The following PPP2R2B variants were observed in gnomAD, a reference collection of about 807,000 sequenced individuals.
The protein encoded by PPP2R2B is serine/threonine-protein phosphatase 2A 55 kDa regulatory subunit B beta isoform.
In PPP2R2B, 5 loss-of-function variants were observed where a neutral mutation model predicts 46.0. That is an observed-to-expected ratio of 0.11 (90% CI 0.06 to 0.23). The LOEUF (loss-of-function observed/expected upper bound fraction) is 0.23. Ranked by LOEUF, PPP2R2B falls within the 10% of genes least tolerant of loss-of-function variation. The probability of loss-of-function intolerance (pLI) is 1.00; values close to 1 mark genes in which losing one functional copy is unlikely to be tolerated. For missense variants in PPP2R2B, 367 were observed against 575.0 expected, an observed-to-expected ratio of 0.64 and a Z score of 3.70; for synonymous variants, 215 against 206.7, an observed-to-expected ratio of 1.04 and a Z score of -0.34.
rs919741880 is a variant in PPP2R2B at position 146,867,317 on chromosome 5, A to G, written c.70+10685T>C. Among the ~76,000 whole-genome samples, 5 of 152,286 alleles carry G rather than the reference A, an allele frequency of 3.3e-5. No homozygotes were observed. The South Asian group carries it at 1.0e-3, about 32-fold the overall frequency. The stretch of plus-strand genomic sequence containing the variant: ...TTGGGGGACAGTTCATGCAAGAAAA[A>G]TATTACAACCCCTAATCAGCAGATC... On this transcript the variant is annotated intron_variant, in intron 2 of 9. Coordinates refer to ENST00000394411, the MANE Select transcript of PPP2R2B (RefSeq NM_181675.4).
At chr5:146,943,645 G>A (rs1199858977) in intron 1 of PPP2R2B, among the ~76,000 whole-genome samples, 4 of 151,856 alleles carry the variant, frequency 2.6e-5, no homozygotes, top group Non-Finnish European at 5.9e-5. Context: ...TGGACTTGAT[G>A]TTAAGACCCC....
chr5:146,911,689 T>C (rs1419660171), intron 1 of PPP2R2B, among the ~76,000 whole-genome samples: 4 of 152,226 alleles, frequency 2.6e-5, no homozygotes, highest in Non-Finnish European at 5.9e-5. Flanking sequence ...GTCTTCCTCA[T>C]AGTGAACCCA....
At position 146,742,652 on chromosome 5, in the gene PPP2R2B, T is replaced by A. The variant is rs535608952; in HGVS notation, c.71-41510A>T. ...AAGATATAATAATAAATGATAATAA[T>A]TATTATGGGTTGAATTGTGCCCTCC... is the stretch of plus-strand genomic sequence containing the variant. On this transcript the variant is annotated intron_variant, in intron 2 of 9. Transcript: ENST00000394411. Among the ~76,000 whole-genome samples the A allele has an allele frequency of 6.0e-4, 91 of 152,206 alleles. 1 individual carries two copies. Among genetic ancestry groups the A allele is most frequent in the African/African-American group, 2.2e-3 (91 of 41,510 alleles).
chr5:146,741,592 G>A lies in PPP2R2B; in HGVS notation c.71-40450C>T, dbSNP rs80080378. Among the ~76,000 whole-genome samples the A allele has an allele frequency of 8.9e-3, 1,348 of 152,148 alleles. 64 individuals carry two copies. Among genetic ancestry groups the A allele is most frequent in the Admixed American group, 0.062 (953 of 15,286 alleles). ...TAGCTAGGGGTATAATACGAAGGGCGACCGCCTCTCGGGACGTGGGGACAG... is the reference window on the plus strand; with the variant it reads ...TAGCTAGGGGTATAATACGAAGGGCAACCGCCTCTCGGGACGTGGGGACAG... On this transcript the variant is annotated intron_variant, in intron 2 of 9. Transcript: ENST00000394411.
intron 7 of PPP2R2B, among the ~76,000 whole-genome samples, chr5:146,622,746 A>G (rs1331028753): frequency 6.6e-6 from 1 of 152,188 alleles, no homozygotes; most frequent in Non-Finnish European, 1.5e-5. Context: ...CTGAACTTCT[A>G]TAGAGCAAGG....
At chr5:146,960,575 C>T (rs1216556365) in intron 1 of PPP2R2B, among the ~76,000 whole-genome samples, 7 of 152,060 alleles carry the variant, frequency 4.6e-5, no homozygotes, top group South Asian at 2.1e-4. Flanking sequence ...AAATAAAAGT[C>T]GCTCAGAGTT....
intron 1 of PPP2R2B, among the ~76,000 whole-genome samples, chr5:146,893,295 T>C (rs1762545472): frequency 6.6e-6 from 1 of 152,226 alleles, no homozygotes; most frequent in African/African-American, 2.4e-5. Flanking sequence ...GTTATGTAGC[T>C]TTTATTTTGA....
intron 7 of PPP2R2B, among the ~76,000 whole-genome samples, chr5:146,636,348 G>T (rs1167921305): frequency 6.6e-6 from 1 of 152,190 alleles, no homozygotes; most frequent in Admixed American, 6.5e-5. Context: ...TTTAAAATTT[G>T]GGAGTGGGGG....
At chr5:147,066,815 G>A (rs1757427853) in intron 2 of PPP2R2B, among the ~76,000 whole-genome samples, 1 of 152,046 alleles carries the variant, frequency 6.6e-6, no homozygotes, top group African/African-American at 2.4e-5. Context: ...TCTGAGGAAG[G>A]CTTTAGAGAA....
chr5:146,631,719 G>A (rs1314282899), intron 7 of PPP2R2B, among the ~76,000 whole-genome samples: 4 of 152,152 alleles, frequency 2.6e-5, no homozygotes, highest in Admixed American at 6.5e-5. Context: ...AAGCCTCCAG[G>A]CATCACTGTC....
intron 1 of PPP2R2B, among the ~76,000 whole-genome samples, chr5:147,047,560 G>A (rs144118146): frequency 0.016 from 2,460 of 151,848 alleles, 66 homozygotes; most frequent in African/African-American, 0.057. Context: ...ATTTGCACTG[G>A]GTAATACACT....
intron 2 of PPP2R2B, chr5:146,751,291 G>A (rs1753542483): frequency 6.6e-6 from 1 of 152,254 alleles, no homozygotes. Context: ...ACATAGCGGG[G>A]AAGAGGTCAT....
At chr5:146,593,426 G>A (rs1770857556) in intron 8 of PPP2R2B, among the ~76,000 whole-genome samples, 1 of 152,248 alleles carries the variant, frequency 6.6e-6, no homozygotes, top group Non-Finnish European at 1.5e-5. Flanking sequence ...ACGCACTTGA[G>A]ATGCAGCAGT....
intron 2 of PPP2R2B, among the ~76,000 whole-genome samples, chr5:146,812,028 G>T (rs1440425282): frequency 6.6e-6 from 1 of 152,086 alleles, no homozygotes; most frequent in Non-Finnish European, 1.5e-5. Flanking sequence ...GAGATCAGGA[G>T]CCTGGATTAG....
chr5:146,617,642 GTGGGGCTTCTTATCTACCATGGC>G (rs1242154153), intron 7 of PPP2R2B, among the ~76,000 whole-genome samples: 1 of 151,926 alleles, frequency 6.6e-6, no homozygotes, highest in Non-Finnish European at 1.5e-5. Flanking sequence ...TCAACAAAGA[GTGGGGCTTCTTATCTACCATGGC>G]TGGGGCTTCC....
At chr5:146,641,456 C>T (rs2151082725) in intron 6 of PPP2R2B, among the ~76,000 whole-genome samples, 1 of 151,478 alleles carries the variant, frequency 6.6e-6, no homozygotes, top group East Asian at 2.0e-4. Flanking sequence ...TTACCTACCA[C>T]TTTGGTGACT....
chr5:147,031,123 G>T (rs1200894096), intron 1 of PPP2R2B, among the ~76,000 whole-genome samples: 1 of 152,132 alleles, frequency 6.6e-6, no homozygotes, highest in South Asian at 2.1e-4. Flanking sequence ...TGTAGTCCCA[G>T]CCACTCGGGA....
intron 1 of PPP2R2B, among the ~76,000 whole-genome samples, chr5:147,049,388 G>A (rs1380622460): frequency 1.3e-5 from 2 of 152,002 alleles, no homozygotes; most frequent in African/African-American, 4.8e-5. Context: ...TTTTTTTTAG[G>A]AGGGAAATCA....
intron 5 of PPP2R2B, among the ~76,000 whole-genome samples, chr5:146,670,758 G>A (rs1777306083): frequency 6.6e-6 from 1 of 152,014 alleles, no homozygotes; most frequent in Non-Finnish European, 1.5e-5. Flanking sequence ...GCCTCCTAAA[G>A]TACTGGGATT....
Sources: gnomAD v4.1 joint callset for allele counts (sites outside exome capture counted in the v4.1 genomes callset) on GRCh38, gnomAD v4.1.1 for gene constraint, MANE v1.5 for transcripts, NCBI Gene and HGNC (gene_info 2026-07-23, HGNC 2026-07-21) for gene names.